DMXL2: variants seen among roughly 807,000 people sequenced by gnomAD.
DMXL2 encodes Dmx like 2.
In DMXL2, 103 loss-of-function variants were observed where a neutral mutation model predicts 331.1. The ratio of observed to expected loss-of-function variants is 0.31; its 90% CI spans 0.27 to 0.37. The LOEUF (loss-of-function observed/expected upper bound fraction) is 0.37, where lower values mean the gene tolerates loss of function less well. Among genes scored for constraint, DMXL2 ranks in the 10% least tolerant of loss-of-function variants. The probability of loss-of-function intolerance (pLI) is 1.00; values close to 1 mark genes in which losing one functional copy is unlikely to be tolerated. For missense variants in DMXL2, 3,171 were observed against 3,642.9 expected, an observed-to-expected ratio of 0.87 and a Z score of 3.33; for synonymous variants, 1,281 against 1,252.1, an observed-to-expected ratio of 1.02 and a Z score of -0.49.
intron 3 of DMXL2, among the ~76,000 whole-genome samples, chr15:51,566,872 T>G (rs1388994553): frequency 2.0e-5 from 3 of 152,096 alleles, no homozygotes; most frequent in African/African-American, 7.2e-5. Flanking sequence ...CTAACCACAT[T>G]AGATGTTTTG....
chr15:51,591,730 A>G (rs2052357907), intron 1 of DMXL2, among the ~76,000 whole-genome samples: 1 of 152,046 alleles, frequency 6.6e-6, no homozygotes, highest in East Asian at 1.9e-4. Context: ...CTGAGACAAA[A>G]CTTCCAGAGG....
chr15:51,620,810 G>A (rs1428880231), intron 1 of DMXL2, among the ~76,000 whole-genome samples: 1 of 152,150 alleles, frequency 6.6e-6, no homozygotes, highest in Admixed American at 6.5e-5. Context: ...TAAGCATCTG[G>A]TCACAAGTGG....
At chr15:51,542,569 T>A (rs1236168795) in intron 8 of DMXL2, 62 bp from the exon 9 acceptor site, 3 of 1,259,726 alleles carry the variant, frequency 2.4e-6, no homozygotes, top group South Asian at 3.1e-5. Context: ...CCAACCAAAG[T>A]ACTCTTAATT....
At chr15:51,593,873 C>A in intron 1 of DMXL2, among the ~76,000 whole-genome samples, 1 of 152,158 alleles carries the variant, frequency 6.6e-6, no homozygotes, top group Non-Finnish European at 1.5e-5. Flanking sequence ...CCAATGAGAA[C>A]AAAGACATGA....
intron 1 of DMXL2, among the ~76,000 whole-genome samples, chr15:51,591,222 T>C (rs1398769674): frequency 6.6e-6 from 1 of 152,168 alleles, no homozygotes; most frequent in African/African-American, 2.4e-5. Flanking sequence ...GAAAATCGGG[T>C]CACTCCCACC....
intron 6 of DMXL2, among the ~76,000 whole-genome samples, chr15:51,560,414 A>G (rs2049877796): frequency 6.7e-6 from 1 of 150,096 alleles, no homozygotes; most frequent in Non-Finnish European, 1.5e-5. Flanking sequence ...CTTTCTGTTC[A>G]TGTTTGAAGA....
In DMXL2 at chr15:51,481,106, A is replaced by G; in HGVS notation, c.6000T>C (p.Ser2000=). The G allele has an allele frequency of 6.2e-7, 1 of 1,612,674 alleles. No homozygotes were observed. The highest frequency in any genetic ancestry group is 2.2e-5 in the East Asian group (1 of 44,832). The change falls in exon 24 of 44, where the codon AGT becomes AGC. Residue 2000 remains serine (S), a synonymous_variant. Coordinates refer to ENST00000560891, the MANE Select transcript of DMXL2 (RefSeq NM_001378457.1). The part of the protein sequence containing the change: ...EDDAVGLVMK[S]TDAREKDKQS... ...GTTTATCTTTTTCCCTGGCATCTGT[A>G]CTTTTCATCACTAAACCAACAGCAT...
intron 1 of DMXL2, among the ~76,000 whole-genome samples, chr15:51,598,643 T>G (rs975850153): frequency 6.6e-6 from 1 of 152,226 alleles, no homozygotes; most frequent in Non-Finnish European, 1.5e-5. Flanking sequence ...ATAGAATATC[T>G]TAAAATGCAG....
intron 28 of DMXL2, among the ~76,000 whole-genome samples, chr15:51,472,571 G>C (rs942804987): frequency 2.6e-5 from 4 of 152,050 alleles, no homozygotes; most frequent in African/African-American, 9.7e-5. Flanking sequence ...TCTACTTTCT[G>C]TCTCTATGGA....
At chr15:51,507,301 G>T (rs751280330) in intron 15 of DMXL2, 48 bp from the exon 16 acceptor site, 2 of 1,530,086 alleles carry the variant, frequency 1.3e-6, no homozygotes, top group Admixed American at 4.2e-5. Flanking sequence ...TTTTTATGGG[G>T]TTAAAAAAAC....
intron 1 of DMXL2, among the ~76,000 whole-genome samples, chr15:51,589,135 C>T (rs1180127665): frequency 1.3e-5 from 2 of 152,116 alleles, no homozygotes; most frequent in Non-Finnish European, 2.9e-5. Flanking sequence ...CTAAGCCAAT[C>T]AAAGTCTACT....
chr15:51,523,775 C>T lies in DMXL2; in HGVS notation c.2437-6608G>A, dbSNP rs569465639. 9.8e-5 allele frequency among the ~76,000 whole-genome samples: 15 copies of T among 152,294 alleles called. No homozygotes were observed. The South Asian group carries it at 3.1e-3, about 32-fold the overall frequency. Reference sequence around the variant, plus strand: ...CAGAAAGAGCATGGCCTTGCCAACACCTTGAATTTGAACTAAATGTATATA... The same window carrying T: ...CAGAAAGAGCATGGCCTTGCCAACATCTTGAATTTGAACTAAATGTATATA... On this transcript the variant is annotated intron_variant, in intron 13 of 43. Coordinates refer to ENST00000560891, the MANE Select transcript of DMXL2 (RefSeq NM_001378457.1).
At position 51,622,636 on chromosome 15, in the gene DMXL2, G is replaced by A. The variant is rs1320576571; in HGVS notation, c.-91C>T. 4.1e-6 allele frequency: 6 copies of A among 1,458,336 alleles called. No homozygotes were observed. The highest frequency in any genetic ancestry group is 5.5e-6 in the Non-Finnish European group (6 of 1,100,406). 90.3% of individuals were successfully genotyped at this position (1,458,336 alleles called of 1,614,324 possible). A position where few individuals can be genotyped will look rare whatever the true frequency, so the allele number is the denominator to read the frequency against. ...GGCTGCGAGAGCCGTTTCCCTCTGT[G>A]CCTCCCTCGGAAACCCGCCCCGCGG... On this transcript the variant is annotated 5_prime_UTR_variant, in exon 1 of 44. Transcript: ENST00000560891.
At chr15:51,543,468 C>T (rs1439089685) in intron 8 of DMXL2, among the ~76,000 whole-genome samples, 1 of 152,148 alleles carries the variant, frequency 6.6e-6, no homozygotes, top group Non-Finnish European at 1.5e-5. Context: ...TTGCTCATTG[C>T]TTTGATAATA....
chr15:51,452,338 G>A (rs906389144), intron 41 of DMXL2, among the ~76,000 whole-genome samples: 1 of 152,124 alleles, frequency 6.6e-6, no homozygotes, highest in African/African-American at 2.4e-5. Flanking sequence ...AAGGCAACCT[G>A]CAGAGTGGGA....
At position 51,450,245 on chromosome 15, in the gene DMXL2, T is replaced by C. The variant is rs1247691766; in HGVS notation, c.8851A>G (p.Ile2951Val). Residue 2951 changes from isoleucine (I) to valine (V), a missense_variant, in exon 43 of 44, where the codon ATC becomes GTC. This residue lies in a region of DMXL2 where 766 missense variants were observed against 940.5 expected (regional missense o/e 0.81). Coordinates refer to ENST00000560891, the MANE Select transcript of DMXL2 (RefSeq NM_001378457.1). ...GRKGHVCIFDIRQRQLIHTFQ... is the reference protein window; with the variant it reads ...GRKGHVCIFDVRQRQLIHTFQ... ...GTGTGAATGAGCTGCCTTTGCCTGA[T>C]GTCAAAAATGCAGACGTGTCCTTTC... is the stretch of plus-strand genomic sequence containing the variant. The C allele has an allele frequency of 6.2e-7, 1 of 1,614,126 alleles. No homozygotes were observed. Among genetic ancestry groups the C allele is most frequent in the Non-Finnish European group, 8.5e-7 (1 of 1,180,004 alleles).
At chr15:51,601,776 A>C (rs1433924668) in intron 1 of DMXL2, among the ~76,000 whole-genome samples, 14 of 152,172 alleles carry the variant, frequency 9.2e-5, no homozygotes, top group Admixed American at 9.2e-4. Context: ...AATTCCACAA[A>C]ATTCTCTTAA....
chr15:51,581,879 A>G (rs2051448488), intron 1 of DMXL2, among the ~76,000 whole-genome samples: 1 of 152,156 alleles, frequency 6.6e-6, no homozygotes, highest in African/African-American at 2.4e-5. Context: ...TCTAAACTTC[A>G]AAGACCAAAA....
chr15:51,546,140 T>C (rs1368909587), intron 7 of DMXL2, among the ~76,000 whole-genome samples: 1 of 152,144 alleles, frequency 6.6e-6, no homozygotes, highest in East Asian at 1.9e-4. Flanking sequence ...GTTTCATCAC[T>C]TTACATCCTC....
Sources: allele counts gnomAD v4.1 joint callset (sites outside exome capture counted in the v4.1 genomes callset), GRCh38; gene constraint gnomAD v4.1.1; regional missense constraint gnomAD v4.1.1; transcripts MANE v1.5; gene names NCBI Gene and HGNC (gene_info 2026-07-23, HGNC 2026-07-21).